Variants in FAM53B observed in about 807,000 individuals in gnomAD.
The protein encoded by FAM53B is family with sequence similarity 53 member B.
FAM53B carries 12 observed loss-of-function variants against 32.7 expected under a neutral mutation model. The observed-to-expected ratio is 0.37, with a 90% confidence interval of 0.24 to 0.59. The LOEUF (loss-of-function observed/expected upper bound fraction) is 0.59. Among genes scored for constraint, FAM53B ranks in the 20% least tolerant of loss-of-function variants. FAM53B has a pLI of 0.72. For missense variants in FAM53B, 477 were observed against 577.7 expected (o/e 0.83, Z 1.79); for synonymous variants, 234 against 228.7 (o/e 1.02, Z -0.21).
intron 4 of FAM53B, among the ~76,000 whole-genome samples, chr10:124,657,878 TC>T (rs1195000315): frequency 6.6e-6 from 1 of 152,204 alleles, no homozygotes; most frequent in Admixed American, 6.5e-5. Context: ...CGCAACCAGC[TC>T]CATCTGCTCC....
At chr10:124,688,220 C>T (rs1244297054) in intron 3 of FAM53B, among the ~76,000 whole-genome samples, 3 of 152,314 alleles carry the variant, frequency 2.0e-5, no homozygotes, top group African/African-American at 7.2e-5. Flanking sequence ...CCTAAAGATA[C>T]GCAGAAGGGC....
chr10:124,651,325 TGCAGAAG>T lies in FAM53B; in HGVS notation c.907-27728_907-27722del, dbSNP rs1949553889. ...ATTTCCCTCTGCACCTTCCCAAAGG[TGCAGAAG>T]GAGGCTGGAGGGGTGCGGCTGAGCA... On this transcript the variant is annotated intron_variant, in intron 4 of 4. Transcript: ENST00000337318. This position sits in a 1 kb window ranked among gnomAD's most constrained non-coding sequence, Gnocchi z 5.2. 6.6e-6 allele frequency among the ~76,000 whole-genome samples: 1 copy of T among 152,168 alleles called. No homozygotes were observed. Among genetic ancestry groups the T allele is most frequent in the Non-Finnish European group, 1.5e-5 (1 of 68,028 alleles).
At chr10:124,691,703 G>A (rs1949833268) in intron 3 of FAM53B, among the ~76,000 whole-genome samples, 1 of 152,230 alleles carries the variant, frequency 6.6e-6, no homozygotes, top group African/African-American at 2.4e-5. Flanking sequence ...TTAGCCAAGG[G>A]TGGTGAATGG....
rs577017950 is a variant in FAM53B, at chr10:124,621,628, C to A, written c.*1614G>T. 6.6e-6 allele frequency: 1 copy of A among 152,344 alleles called. No individual in the cohort carries two copies. Among genetic ancestry groups the A allele is most frequent in the South Asian group, 2.1e-4 (1 of 4,828 alleles). 9.4% of individuals were successfully genotyped at this position (152,344 alleles called of 1,614,324 possible). ...CCCACATATTGGGAACTTGAACCACCATCCTTTTGATGTAGTAAAAAAATA... is the reference window on the plus strand; with the variant it reads ...CCCACATATTGGGAACTTGAACCACAATCCTTTTGATGTAGTAAAAAAATA... On this transcript the variant is annotated 3_prime_UTR_variant, in exon 5 of 5. Coordinates refer to ENST00000337318, the MANE Select transcript of FAM53B (RefSeq NM_014661.4).
chr10:124,661,220 G>A (rs1285706848), intron 4 of FAM53B, among the ~76,000 whole-genome samples: 1 of 152,142 alleles, frequency 6.6e-6, no homozygotes, highest in African/African-American at 2.4e-5. Context: ...GGTTCCAGGG[G>A]TCTGTCCACT....
intron 4 of FAM53B, among the ~76,000 whole-genome samples, chr10:124,664,788 A>G (rs536794780): frequency 2.7e-3 from 408 of 152,320 alleles, no homozygotes; most frequent in African/African-American, 7.5e-3. Context: ...TCAGACCAAG[A>G]AACTGAGGCA....
intron 4 of FAM53B, among the ~76,000 whole-genome samples, chr10:124,677,526 T>C (rs1214359166): frequency 6.6e-6 from 1 of 152,254 alleles, no homozygotes; most frequent in Non-Finnish European, 1.5e-5. Flanking sequence ...TAATTACAAG[T>C]ACAGGGAGGG....
At chr10:124,654,229 G>T (rs1006185829) in intron 4 of FAM53B, among the ~76,000 whole-genome samples, 4 of 152,256 alleles carry the variant, frequency 2.6e-5, no homozygotes, top group African/African-American at 9.6e-5. Flanking sequence ...TGCGAAGTGC[G>T]ATTGTCATCG....
intron 4 of FAM53B, among the ~76,000 whole-genome samples, chr10:124,673,959 A>G (rs1949722177): frequency 1.3e-5 from 2 of 152,344 alleles, no homozygotes; most frequent in Middle Eastern, 3.4e-3. Flanking sequence ...ACGGGCTCAC[A>G]GTCACCACAC....
Position 124,696,209 on chromosome 10 carries a change from T to C in FAM53B, c.82A>G (p.Thr28Ala), listed in dbSNP as rs763575534. Residue 28 changes from threonine to alanine, a missense_variant, in exon 3 of 5, where the codon ACG becomes GCG. By Grantham distance (58) the Thr-to-Ala change is moderately conservative. Transcript: ENST00000337318. ...GGTCCTTGACTCATCTTCTTTGGCG[T>C]GTGCTGAAAACAACCAGAAAAGCTA... is the stretch of plus-strand genomic sequence containing the variant. ...ACGTFSRELHTPKKMSQGPTL... is the reference protein window; with the variant it reads ...ACGTFSRELHAPKKMSQGPTL... The C allele has an allele frequency of 6.2e-7, 1 of 1,613,768 alleles. No homozygotes were observed. The highest frequency in any genetic ancestry group is 2.2e-5 in the East Asian group (1 of 44,868).
intron 1 of FAM53B, among the ~76,000 whole-genome samples, chr10:124,742,159 G>A (rs1453418392): frequency 6.6e-6 from 1 of 152,174 alleles, no homozygotes; most frequent in Non-Finnish European, 1.5e-5. Flanking sequence ...CTGGAAGCTG[G>A]ATCGGCAGAC....
intron 1 of FAM53B, among the ~76,000 whole-genome samples, chr10:124,710,706 AAC>A (rs1949995923): frequency 6.6e-6 from 1 of 152,242 alleles, no homozygotes; most frequent in African/African-American, 2.4e-5. Flanking sequence ...GTTTTCTCTT[AAC>A]CTATATCAAG....
At chr10:124,657,842 C>T (rs564173225) in intron 4 of FAM53B, among the ~76,000 whole-genome samples, 1 of 152,316 alleles carries the variant, frequency 6.6e-6, no homozygotes, top group South Asian at 2.1e-4. Flanking sequence ...AATCCAATGA[C>T]TTGCTCAAAG....
chr10:124,678,985 G>A (rs1949752868), intron 4 of FAM53B, among the ~76,000 whole-genome samples: 1 of 152,176 alleles, frequency 6.6e-6, no homozygotes, highest in African/African-American at 2.4e-5. Context: ...AACTGAAAAG[G>A]CCCTCTGCAG....
In FAM53B at chr10:124,706,680, G is replaced by A. The variant is rs766552006; in HGVS notation, c.34C>T (p.Arg12Trp). The A allele has an allele frequency of 4.0e-5, 65 of 1,614,056 alleles. No individual in the cohort carries two copies. The African/African-American group carries it at 4.5e-4, about 11-fold the overall frequency. ...VMVLSESLST[R>W]GADSIACGTF... ...CCACATGCAATGGAGTCAGCTCCCC[G>A]GGTGCTGAGGCTTTCACTTAGGACC... is the stretch of plus-strand genomic sequence containing the variant. Residue 12 changes from arginine to tryptophan, a missense_variant, in exon 2 of 5, where the codon CGG becomes TGG. Transcript: ENST00000337318.
intron 3 of FAM53B, among the ~76,000 whole-genome samples, chr10:124,683,234 T>C (rs1255568127): frequency 6.6e-6 from 1 of 152,238 alleles, no homozygotes; most frequent in African/African-American, 2.4e-5. Context: ...GAACTATTTA[T>C]TGTTTTTCTA....
At chr10:124,698,545 CAG>C (rs1298141041) in intron 2 of FAM53B, among the ~76,000 whole-genome samples, 1 of 152,156 alleles carries the variant, frequency 6.6e-6, no homozygotes, top group African/African-American at 2.4e-5. Flanking sequence ...GGCCAGCACA[CAG>C]AGCACCCCAG....
chr10:124,670,605 A>G (rs987622298), intron 4 of FAM53B, among the ~76,000 whole-genome samples: 21 of 151,966 alleles, frequency 1.4e-4, no homozygotes, highest in African/African-American at 5.1e-4. Context: ...CATGCCCTGC[A>G]CTCACCACAC....
intron 1 of FAM53B, among the ~76,000 whole-genome samples, chr10:124,719,729 GC>G (rs1052720440): frequency 3.7e-4 from 57 of 152,164 alleles, no homozygotes; most frequent in Admixed American, 3.3e-4. Context: ...AAACTCTAAA[GC>G]CAGGCCTCTG....
Sources: allele counts gnomAD v4.1 joint callset (sites outside exome capture counted in the v4.1 genomes callset), GRCh38; gene constraint gnomAD v4.1.1; non-coding constraint Gnocchi (gnomAD v3.1); transcripts MANE v1.5; gene names NCBI Gene and HGNC (gene_info 2026-07-23, HGNC 2026-07-21).